Variants in PINX1 observed in about 807,000 individuals in gnomAD.
The protein encoded by PINX1 is PIN2/TERF1-interacting telomerase inhibitor 1.
In PINX1, 34 loss-of-function variants were observed where a neutral mutation model predicts 25.4. The observed-to-expected ratio is 1.34, with a 90% CI of 1.02 to 1.78. The LOEUF is 1.78. Among genes scored for constraint, PINX1 ranks in the 40% most tolerant of loss-of-function variants. The pLI is 0.00. For synonymous variants in PINX1, 197 were observed against 147.7 expected (o/e 1.33, Z -2.42); for missense variants, 592 against 404.9 (o/e 1.46, Z -3.97).
chr8:10,816,510 G>A (rs1432126646), intron 6 of PINX1, among the ~76,000 whole-genome samples: 4 of 152,228 alleles, frequency 2.6e-5, no homozygotes, highest in Non-Finnish European at 5.9e-5. Flanking sequence ...AGCCAATAAG[G>A]AAGTCAAGTC....
At chr8:10,823,391 A>C (rs1477968315) in intron 5 of PINX1, among the ~76,000 whole-genome samples, 1 of 152,180 alleles carries the variant, frequency 6.6e-6, no homozygotes, top group East Asian at 1.9e-4. Flanking sequence ...GAGGGGAGGA[A>C]GCACTGCTCT....
At chr8:10,818,783 T>TG (rs1403430708) in intron 6 of PINX1, among the ~76,000 whole-genome samples, 1 of 151,720 alleles carries the variant, frequency 6.6e-6, no homozygotes, top group Non-Finnish European at 1.5e-5. Context: ...GCAAAGGAGA[T>TG]GGAGTTCAAG....
intron 6 of PINX1, among the ~76,000 whole-genome samples, chr8:10,798,703 C>T (rs941200458): frequency 6.6e-6 from 1 of 152,204 alleles, no homozygotes; most frequent in Admixed American, 6.5e-5. Flanking sequence ...GGTAGAGACA[C>T]CTTTTCTAAA....
intron 6 of PINX1, among the ~76,000 whole-genome samples, chr8:10,790,611 A>G (rs913427814): frequency 6.6e-6 from 1 of 152,030 alleles, no homozygotes; most frequent in African/African-American, 2.4e-5. Flanking sequence ...TGACTCCACC[A>G]AGCTGCCCCT....
intron 6 of PINX1, among the ~76,000 whole-genome samples, chr8:10,782,553 T>C (rs1269610125): frequency 2.0e-5 from 3 of 151,890 alleles, no homozygotes; most frequent in East Asian, 1.9e-4. Flanking sequence ...GTGGCCAATA[T>C]GCTGAAACCC....
intron 6 of PINX1, among the ~76,000 whole-genome samples, chr8:10,800,305 C>T (rs7827063): frequency 0.19 from 28,225 of 151,952 alleles, 2,881 homozygotes; most frequent in Non-Finnish European, 0.23. Context: ...CTAAACGACA[C>T]TGATGCAATC....
intron 4 of PINX1, among the ~76,000 whole-genome samples, chr8:10,828,410 T>A (rs1241136020): frequency 6.6e-6 from 1 of 152,162 alleles, no homozygotes; most frequent in East Asian, 1.9e-4. Flanking sequence ...TTCTTGGATT[T>A]CCTTCCCACA....
chr8:10,827,788 G>A (rs542264215), intron 4 of PINX1, among the ~76,000 whole-genome samples: 1 of 151,500 alleles, frequency 6.6e-6, no homozygotes, highest in East Asian at 2.0e-4. Context: ...GCGGGCACCT[G>A]TAGTCCCAGC....
chr8:10,772,997 T>C (rs1462204375), intron 6 of PINX1, among the ~76,000 whole-genome samples: 2 of 152,082 alleles, frequency 1.3e-5, no homozygotes, highest in Non-Finnish European at 2.9e-5. Context: ...CATGTAAAAA[T>C]TACATGAATT....
chr8:10,766,651 T>C (rs1377538572), intron 6 of PINX1, among the ~76,000 whole-genome samples: 2 of 152,174 alleles, frequency 1.3e-5, no homozygotes, highest in Non-Finnish European at 2.9e-5. Context: ...AACTGTATAC[T>C]CGGGACTGTG....
chr8:10,776,066 A>G (rs906604037), intron 6 of PINX1, among the ~76,000 whole-genome samples: 2 of 152,182 alleles, frequency 1.3e-5, no homozygotes, highest in African/African-American at 4.8e-5. Flanking sequence ...CAATTCTAGC[A>G]TTCATTATAG....
intron 6 of PINX1, among the ~76,000 whole-genome samples, chr8:10,779,506 A>C (rs1228956777): frequency 6.6e-6 from 1 of 152,232 alleles, no homozygotes; most frequent in African/African-American, 2.4e-5. Flanking sequence ...TAAAGACAAA[A>C]AGAACTGCCA....
Position 10,773,717 on chromosome 8 carries a change from G to A in PINX1, c.472-7801C>T, listed in dbSNP as rs559309514. Among the ~76,000 whole-genome samples, 6 of 152,222 alleles carry A rather than the reference G, an allele frequency of 3.9e-5. No individual in the cohort carries two copies. In the East Asian group the frequency reaches 7.7e-4, roughly 20 times the overall value. ...CGATTGCCACTTATTAGGAAAAGCC[G>A]ACATAAACATGTTTTAAAAGGATGG... On this transcript the variant is annotated intron_variant, in intron 6 of 6. Coordinates refer to ENST00000314787, the MANE Select transcript of PINX1 (RefSeq NM_017884.6).
intron 6 of PINX1, among the ~76,000 whole-genome samples, chr8:10,778,084 C>G (rs1271876352): frequency 6.6e-6 from 1 of 152,028 alleles, no homozygotes; most frequent in Non-Finnish European, 1.5e-5. Context: ...TCTGTGAATC[C>G]AAGGATTACA....
intron 6 of PINX1, among the ~76,000 whole-genome samples, chr8:10,799,190 A>T (rs1043794203): frequency 5.3e-5 from 8 of 152,190 alleles, no homozygotes; most frequent in Admixed American, 5.2e-4. Context: ...GAGTACCTGC[A>T]AAAAGTAACA....
At chr8:10,780,925 G>A (rs1801566019) in intron 6 of PINX1, among the ~76,000 whole-genome samples, 1 of 152,066 alleles carries the variant, frequency 6.6e-6, no homozygotes, top group South Asian at 2.1e-4. Context: ...AACAAAGCTG[G>A]AGACACCACA....
intron 6 of PINX1, among the ~76,000 whole-genome samples, chr8:10,802,328 T>C (rs1286850596): frequency 6.6e-6 from 1 of 152,110 alleles, no homozygotes; most frequent in Non-Finnish European, 1.5e-5. Flanking sequence ...AGGTCACTCA[T>C]ACACTGATAC....
chr8:10,817,918 T>C (rs538988710), intron 6 of PINX1, among the ~76,000 whole-genome samples: 18 of 135,966 alleles, frequency 1.3e-4, no homozygotes, highest in East Asian at 1.0e-3. Context: ...GCTGCAACAA[T>C]TGGGGAGGAA....
chr8:10,826,870 T>C (rs1325075844), intron 4 of PINX1, among the ~76,000 whole-genome samples: 1 of 152,224 alleles, frequency 6.6e-6, no homozygotes, highest in African/African-American at 2.4e-5. Context: ...AATACAAAGA[T>C]GAGGCATGAG....
Sources: allele counts gnomAD v4.1 joint callset (sites outside exome capture counted in the v4.1 genomes callset), GRCh38; gene constraint gnomAD v4.1.1; transcripts MANE v1.5; gene names NCBI Gene and HGNC (gene_info 2026-07-23, HGNC 2026-07-21).